SPDYA: variants seen among roughly 807,000 people sequenced by gnomAD.
SPDYA encodes speedy/RINGO cell cycle regulator family member A.
SPDYA carries 11 observed loss-of-function variants against 36.7 expected under a neutral mutation model. That is an observed-to-expected ratio of 0.30 (90% confidence interval 0.19 to 0.50). The LOEUF (loss-of-function observed/expected upper bound fraction) is 0.50. Among genes scored for constraint, SPDYA ranks in the 20% least tolerant of loss-of-function variants. SPDYA has a pLI of 0.98. For synonymous variants in SPDYA, 115 were observed against 118.7 expected (o/e 0.97, Z 0.20); for missense variants, 287 against 370.9 (o/e 0.77, Z 1.86).
At chr2:28,834,336 G>C (rs893845046) in intron 6 of SPDYA, among the ~76,000 whole-genome samples, 1 of 152,158 alleles carries the variant, frequency 6.6e-6, no homozygotes, top group Non-Finnish European at 1.5e-5. Flanking sequence ...TTAACATAGA[G>C]TTACCATATG....
In SPDYA at chr2:28,849,002, G is replaced by A. The variant is rs189146483; in HGVS notation, c.851-848G>A. The stretch of plus-strand genomic sequence containing the variant: ...TGAGGCTGCAATGAGCCATGATCAC[G>A]CCACTGCACTCCAGCCTATGTGACA... On this transcript the variant is annotated intron_variant, in intron 7 of 7. Transcript: ENST00000334056. 1.5e-4 allele frequency among the ~76,000 whole-genome samples: 23 copies of A among 151,614 alleles called. No individual in the cohort carries two copies. The East Asian group carries it at 3.9e-3, about 26-fold the overall frequency.
At chr2:28,830,069 G>A (rs1230404975) in intron 6 of SPDYA, among the ~76,000 whole-genome samples, 1 of 151,832 alleles carries the variant, frequency 6.6e-6, no homozygotes, top group Non-Finnish European at 1.5e-5. Context: ...AACCCAGGAG[G>A]CAGAGGTTGC....
At chr2:28,815,006 G>C (rs554027158) in intron 2 of SPDYA, among the ~76,000 whole-genome samples, 3 of 152,194 alleles carry the variant, frequency 2.0e-5, no homozygotes, top group East Asian at 3.9e-4. Flanking sequence ...AACAGGCCAG[G>C]CATGATGGCT....
intron 5 of SPDYA, among the ~76,000 whole-genome samples, chr2:28,824,488 A>AC (rs1009263970): frequency 2.0e-5 from 2 of 100,816 alleles, no homozygotes; most frequent in Non-Finnish European, 3.8e-5. Context: ...GAAAAAAAAA[A>AC]AAACAAAAAA....
At position 28,816,139 on chromosome 2, in the gene SPDYA, A is replaced by G. The variant is rs764844983; in HGVS notation, c.125A>G (p.Asn42Ser). The change falls in exon 3 of 8, where the codon AAT becomes AGT. Residue 42 changes from asparagine (N) to serine (S), a missense_variant. Coordinates refer to ENST00000334056, the MANE Select transcript of SPDYA (RefSeq NM_182756.4). Reference protein sequence around the residue: ...ITLKRPICKDNWQAFEKNTHN... With the variant: ...ITLKRPICKDSWQAFEKNTHN... ...CTGAAGCGTCCTATTTGTAAAGATA[A>G]TTGGCAAGCATTTGAAAAAAATACA... 2.5e-6 allele frequency: 4 copies of G among 1,614,088 alleles called. No individual in the cohort carries two copies. In the East Asian group the frequency reaches 6.7e-5, roughly 27 times the overall value.
chr2:28,845,506 A>C (rs1474702171), intron 7 of SPDYA, among the ~76,000 whole-genome samples: 1 of 152,024 alleles, frequency 6.6e-6, no homozygotes, highest in Non-Finnish European at 1.5e-5. Context: ...GCATCCAATG[A>C]ATTACCAGCT....
intron 5 of SPDYA, among the ~76,000 whole-genome samples, chr2:28,823,634 A>G (rs1668227625): frequency 6.9e-6 from 1 of 144,202 alleles, no homozygotes; most frequent in African/African-American, 2.5e-5. Flanking sequence ...AGGAAAGAAA[A>G]AAAAAAAAAG....
chr2:28,824,796 GC>G (rs1352262154), intron 5 of SPDYA, among the ~76,000 whole-genome samples: 1 of 151,966 alleles, frequency 6.6e-6, no homozygotes, highest in African/African-American at 2.4e-5. Context: ...TGATACACCT[GC>G]TTCGGCCTCC....
intron 5 of SPDYA, among the ~76,000 whole-genome samples, chr2:28,824,072 C>T (rs1402216554): frequency 1.3e-5 from 2 of 151,690 alleles, no homozygotes; most frequent in Non-Finnish European, 2.9e-5. Context: ...TAAGTGTTTA[C>T]CTAGAGAACA....
Position 28,816,020 on chromosome 2 carries a change from G to T in SPDYA, c.6G>T (p.Arg2Ser), listed in dbSNP as rs781425460. Reference sequence around the variant, plus strand: ...AGGAATATTGGGAAACCAAAATGAGGCACAATCAGATGTGTTGTGAGACAC... The same window carrying T: ...AGGAATATTGGGAAACCAAAATGAGTCACAATCAGATGTGTTGTGAGACAC... M[R>S]HNQMCCETPP... The change falls in exon 3 of 8, where the codon AGG becomes AGT. Residue 2 changes from arginine (R) to serine (S), a missense_variant. Arg to Ser is a moderately radical substitution (Grantham distance 110). Transcript: ENST00000334056. The T allele has an allele frequency of 5.6e-6, 9 of 1,605,644 alleles. No individual in the cohort carries two copies. Among genetic ancestry groups the T allele is most frequent in the Non-Finnish European group, 7.6e-6 (9 of 1,177,612 alleles).
chr2:28,847,740 T>G (rs1372027946), intron 7 of SPDYA, among the ~76,000 whole-genome samples: 1 of 69,874 alleles, frequency 1.4e-5, no homozygotes, highest in Non-Finnish European at 3.3e-5. Flanking sequence ...AGCAAGACTC[T>G]GTCTCAAAAA....
rs1256205852 is a variant in SPDYA at position 28,814,619 on chromosome 2, C to G, written c.-86C>G. ...ATCCAATCTTATTTTCCAGTCCTTC[C>G]TTCAGAAGGGAAATTTCTGAGGGTC... On this transcript the variant is annotated 5_prime_UTR_variant, in exon 2 of 8. Transcript: ENST00000334056. The G allele has an allele frequency of 1.3e-5, 2 of 152,170 alleles. No individual in the cohort carries two copies. The highest frequency in any genetic ancestry group is 6.5e-5 in the Admixed American group (1 of 15,272). 9.4% of individuals were successfully genotyped at this position (152,170 alleles called of 1,614,324 possible). A position where few individuals can be genotyped will look rare whatever the true frequency, so the allele number is the denominator to read the frequency against.
chr2:28,838,185 T>G (rs1197758368), intron 6 of SPDYA, among the ~76,000 whole-genome samples: 1 of 150,138 alleles, frequency 6.7e-6, no homozygotes, highest in Non-Finnish European at 1.5e-5. Flanking sequence ...CGGATTTTTT[T>G]TTTTTTTTTT....
rs1170773009 is a variant in SPDYA, at chr2:28,829,241, T to C, written c.474T>C (p.Pro158=). The C allele has an allele frequency of 1.2e-6, 2 of 1,613,962 alleles. No individual in the cohort carries two copies. The highest frequency in any genetic ancestry group is 2.7e-5 in the African/African-American group (2 of 74,924). ...GGAAAAACTGGAGAAAATTGTTCCC[T>C]AATTTCTTAAAGTTAAGGGACCAGC... is the stretch of plus-strand genomic sequence containing the variant. ...ALGKNWRKLF[P]NFLKLRDQLW... is the part of the protein sequence containing the mutation. Residue 158 remains proline (P), a synonymous_variant, in exon 6 of 8, where the codon CCT becomes CCC. Coordinates refer to ENST00000334056, the MANE Select transcript of SPDYA (RefSeq NM_182756.4).
At chr2:28,829,450 C>A (rs1668420019) in intron 6 of SPDYA, 131 bp downstream of exon 6, 1 of 744,732 alleles carries the variant, frequency 1.3e-6, no homozygotes, top group African/African-American at 1.8e-5. Flanking sequence ...TGGAGTAGAC[C>A]ATTGATCATT....
chr2:28,831,204 A>G (rs1025691438), intron 6 of SPDYA, among the ~76,000 whole-genome samples: 8 of 152,098 alleles, frequency 5.3e-5, no homozygotes, highest in East Asian at 1.9e-4. Context: ...AAAAAATACA[A>G]AAAATTAGGT....
At chr2:28,843,230 G>A (rs1023461937) in intron 7 of SPDYA, among the ~76,000 whole-genome samples, 1 of 152,102 alleles carries the variant, frequency 6.6e-6, no homozygotes, top group African/African-American at 2.4e-5. Flanking sequence ...AATTTGACAA[G>A]GTGGGGTAAA....
At chr2:28,814,936 A>G (rs1268226879) in intron 2 of SPDYA, among the ~76,000 whole-genome samples, 1 of 152,210 alleles carries the variant, frequency 6.6e-6, no homozygotes, top group African/African-American at 2.4e-5. Flanking sequence ...ATACATTCAT[A>G]TACACTTATA....
chr2:28,847,148 G>C (rs1645177632), intron 7 of SPDYA, among the ~76,000 whole-genome samples: 1 of 152,138 alleles, frequency 6.6e-6, no homozygotes, highest in Non-Finnish European at 1.5e-5. Context: ...TTTGAGATCA[G>C]CCTGGCCAAC....
Sources: gnomAD v4.1 joint callset for allele counts (sites outside exome capture counted in the v4.1 genomes callset) on GRCh38, gnomAD v4.1.1 for gene constraint, MANE v1.5 for transcripts, NCBI Gene and HGNC (gene_info 2026-07-23, HGNC 2026-07-21) for gene names.